The following RYR2 variants were observed in gnomAD, a reference collection of about 807,000 sequenced individuals.
RYR2 encodes ryanodine receptor 2.
Under a neutral mutation model 601.1 loss-of-function variants are expected in RYR2, and 227 were observed. That is an observed-to-expected ratio of 0.38 (90% CI 0.34 to 0.42). RYR2 has a LOEUF of 0.42. Ranked by LOEUF, RYR2 falls within the 10% of genes least tolerant of loss-of-function variation. The probability of loss-of-function intolerance (pLI) is 1.00; values close to 1 mark genes in which losing one functional copy is unlikely to be tolerated. For synonymous variants in RYR2, 2,223 were observed against 2,175.1 expected (o/e 1.02, Z -0.61); for missense variants, 4,646 against 6,156.5 (o/e 0.75, Z 8.21).
At chr1:237,263,442 A>G (rs561740376) in intron 1 of RYR2, among the ~76,000 whole-genome samples, 1 of 152,332 alleles carries the variant, frequency 6.6e-6, no homozygotes, top group East Asian at 1.9e-4. Context: ...ACCCATAGAA[A>G]TGGACAGAAT....
At chr1:237,250,584 A>G (rs569676539) in intron 1 of RYR2, among the ~76,000 whole-genome samples, 2 of 152,200 alleles carry the variant, frequency 1.3e-5, no homozygotes, top group East Asian at 1.9e-4. Context: ...TATTCCTCAA[A>G]GCCCGTCTTC....
intron 7 of RYR2, among the ~76,000 whole-genome samples, chr1:237,376,458 A>G (rs959208736): frequency 7.2e-6 from 1 of 138,340 alleles, no homozygotes; most frequent in Non-Finnish European, 1.5e-5. Flanking sequence ...AGGAATTAGG[A>G]AAAAAAAGAG....
chr1:237,508,967 C>T (rs1558941241), intron 23 of RYR2, among the ~76,000 whole-genome samples: 3 of 151,856 alleles, frequency 2.0e-5, no homozygotes, highest in African/African-American at 4.8e-5. Context: ...TGGTTTCGAT[C>T]TCCTGACCTC....
chr1:237,318,327 A>G (rs1166770262), intron 2 of RYR2, among the ~76,000 whole-genome samples: 1 of 152,152 alleles, frequency 6.6e-6, no homozygotes, highest in Non-Finnish European at 1.5e-5. Flanking sequence ...AAACCCAATA[A>G]GATACTATTA....
chr1:237,778,767 G>A lies in RYR2; in HGVS notation c.11877G>A (p.Ser3959=), dbSNP rs754610647. Residue 3959 remains serine (S), a synonymous_variant, in exon 88 of 105, where the codon TCG becomes TCA. Coordinates refer to ENST00000366574, the MANE Select transcript of RYR2 (RefSeq NM_001035.3). ...HVFAHMQMKL[S]QDSSQIELLK... ...TTGCCCATATGCAGATGAAGCTGTCGCAGGTAAACTAACTAACTGCCTTCC... is the reference window on the plus strand; with the variant it reads ...TTGCCCATATGCAGATGAAGCTGTCACAGGTAAACTAACTAACTGCCTTCC... 3.3e-5 allele frequency: 52 copies of A among 1,562,142 alleles called. No individual in the cohort carries two copies. The highest frequency in any genetic ancestry group is 4.5e-5 in the East Asian group (2 of 44,658).
At chr1:237,150,850 A>C (rs751716301) in intron 1 of RYR2, among the ~76,000 whole-genome samples, 2 of 152,062 alleles carry the variant, frequency 1.3e-5, no homozygotes, top group Non-Finnish European at 2.9e-5. Flanking sequence ...TTTGCTTTTG[A>C]TTTTCAGGGG....
intron 37 of RYR2, among the ~76,000 whole-genome samples, chr1:237,616,278 G>C (rs1031993494): frequency 1.3e-5 from 2 of 152,290 alleles, no homozygotes; most frequent in Non-Finnish European, 1.5e-5. Context: ...TGAGTGTATA[G>C]ATTTTTTTAA....
intron 12 of RYR2, among the ~76,000 whole-genome samples, chr1:237,425,317 C>T (rs757861087): frequency 6.6e-6 from 1 of 152,102 alleles, no homozygotes; most frequent in African/African-American, 2.4e-5. Context: ...ATCACCAACA[C>T]CCCTCCCCCA....
At chr1:237,576,194 T>C (rs1673200903) in intron 29 of RYR2, among the ~76,000 whole-genome samples, 1 of 152,186 alleles carries the variant, frequency 6.6e-6, no homozygotes, top group Non-Finnish European at 1.5e-5. Flanking sequence ...GATCTATAGC[T>C]TCAATCCGTC....
intron 1 of RYR2, among the ~76,000 whole-genome samples, chr1:237,121,634 G>A (rs1025870358): frequency 2.0e-5 from 3 of 152,156 alleles, no homozygotes. Flanking sequence ...ATGTAATAGA[G>A]GCAGAGATCC....
intron 1 of RYR2, among the ~76,000 whole-genome samples, chr1:237,200,278 T>C (rs1232100999): frequency 1.3e-5 from 2 of 152,172 alleles, no homozygotes; most frequent in African/African-American, 4.8e-5. Flanking sequence ...ATTCTTTTTT[T>C]TTTTAGGTAG....
chr1:237,344,227 GT>G (rs1698096336), intron 3 of RYR2, among the ~76,000 whole-genome samples: 1 of 152,204 alleles, frequency 6.6e-6, no homozygotes, highest in Non-Finnish European at 1.5e-5. Context: ...TTCTCATGGC[GT>G]TTTGCCGGGG....
chr1:237,514,866 G>A (rs1268423417), intron 24 of RYR2, among the ~76,000 whole-genome samples: 1 of 152,210 alleles, frequency 6.6e-6, no homozygotes, highest in Non-Finnish European at 1.5e-5. Flanking sequence ...AACACCATAT[G>A]TCTGAGAGGG....
intron 1 of RYR2, among the ~76,000 whole-genome samples, chr1:237,082,524 CATATATATATATATATAT>C (rs71561856): frequency 3.1e-4 from 25 of 80,004 alleles, no homozygotes; most frequent in East Asian, 1.1e-3. Flanking sequence ...AATAGGAAAA[CATATATATATATATATAT>C]ATATATATAT....
At chr1:237,151,641 G>A (rs1295515065) in intron 1 of RYR2, among the ~76,000 whole-genome samples, 3 of 152,100 alleles carry the variant, frequency 2.0e-5, no homozygotes, top group East Asian at 3.9e-4. Context: ...AAAGGTATAC[G>A]GTATTTAGCC....
At chr1:237,713,499 C>T (rs535797152) in intron 71 of RYR2, among the ~76,000 whole-genome samples, 6 of 152,110 alleles carry the variant, frequency 3.9e-5, no homozygotes, top group South Asian at 2.1e-4. Flanking sequence ...TGGGTTCAAG[C>T]GATTCTCCTG....
At chr1:237,513,001 T>C (rs887089958) in intron 24 of RYR2, among the ~76,000 whole-genome samples, 2 of 152,186 alleles carry the variant, frequency 1.3e-5, no homozygotes, top group Non-Finnish European at 2.9e-5. Flanking sequence ...GTTCAGGTGA[T>C]TCTCTGGCCC....
chr1:237,678,710 T>C (rs1685610968), intron 61 of RYR2, among the ~76,000 whole-genome samples: 1 of 152,212 alleles, frequency 6.6e-6, no homozygotes, highest in African/African-American at 2.4e-5. Flanking sequence ...TTGTAAAGTC[T>C]CCGAATGATT....
chr1:237,817,027 C>T (rs1309627828), intron 100 of RYR2, among the ~76,000 whole-genome samples: 1 of 152,128 alleles, frequency 6.6e-6, no homozygotes, highest in Non-Finnish European at 1.5e-5. Flanking sequence ...GATCTCCTGA[C>T]CTTTCTGCAA....
Sources: gnomAD v4.1 joint callset for allele counts (sites outside exome capture counted in the v4.1 genomes callset) on GRCh38, gnomAD v4.1.1 for gene constraint, MANE v1.5 for transcripts, NCBI Gene and HGNC (gene_info 2026-07-23, HGNC 2026-07-21) for gene names.